MIA2: variants seen among roughly 807,000 people sequenced by gnomAD.
The protein encoded by MIA2 is MIA SH3 domain ER export factor 2.
A neutral mutation model predicts 167.8 loss-of-function variants in MIA2; 127 were observed. That is an observed-to-expected ratio of 0.76 (90% confidence interval 0.66 to 0.88). MIA2 has a LOEUF of 0.88. Ranked by LOEUF, MIA2 falls within the 40% of genes least tolerant of loss-of-function variation. The probability of loss-of-function intolerance (pLI) is 0.00; values close to 1 mark genes in which losing one functional copy is unlikely to be tolerated. For synonymous variants in MIA2, 552 were observed against 541.9 expected (o/e 1.02, Z -0.26); for missense variants, 1,690 against 1,624.7 (o/e 1.04, Z -0.69).
At chr14:39,269,376 T>G (rs2056711745) in intron 6 of MIA2, among the ~76,000 whole-genome samples, 1 of 151,970 alleles carries the variant, frequency 6.6e-6, no homozygotes, top group Non-Finnish European at 1.5e-5. Flanking sequence ...ACCACTAATC[T>G]ATTTTCTGTC....
intron 23 of MIA2, among the ~76,000 whole-genome samples, chr14:39,376,408 AACT>A (rs1381408859): frequency 6.6e-6 from 1 of 152,068 alleles, no homozygotes; most frequent in African/African-American, 2.4e-5. Context: ...AAATGTTTGA[AACT>A]AATATTTTAA....
At chr14:39,328,795 T>TATA (rs2068130134) in intron 25 of MIA2, among the ~76,000 whole-genome samples, 1 of 152,206 alleles carries the variant, frequency 6.6e-6, no homozygotes, top group Non-Finnish European at 1.5e-5. Context: ...GTGTTATTTC[T>TATA]GAGGCCTCTG....
At chr14:39,343,070 G>A (rs2072368553) in intron 25 of MIA2, among the ~76,000 whole-genome samples, 1 of 152,080 alleles carries the variant, frequency 6.6e-6, no homozygotes, top group Non-Finnish European at 1.5e-5. Context: ...CACCCTTTTT[G>A]TACATATGTT....
At chr14:39,359,086 C>T (rs952768992) in intron 23 of MIA2, among the ~76,000 whole-genome samples, 2 of 152,300 alleles carry the variant, frequency 1.3e-5, no homozygotes, top group East Asian at 3.9e-4. Flanking sequence ...AGCTGTCAGA[C>T]AGGGACATTT....
chr14:39,349,088 C>T, intron 28 of MIA2, 111 bp downstream of exon 28: 1 of 1,298,224 alleles, frequency 7.7e-7, no homozygotes, highest in Non-Finnish European at 1.1e-6. Flanking sequence ...TTTTTTCTAG[C>T]ATTCTGTGAA....
intron 23 of MIA2, chr14:39,370,478 C>T (rs1026833228): frequency 3.7e-6 from 1 of 269,944 alleles, no homozygotes. Flanking sequence ...GTCTTAATGC[C>T]CTGTCGGAGC....
Position 39,288,442 on chromosome 14 carries a change from TATATATATATATATATATATA to T in MIA2, c.2131-2576_2131-2556del, listed in dbSNP as rs1566746059. ...CGTGTATATATTATACATATATATA[TATATATATATATATATATATA>T]TATATATATATATTTTTTTTTTTTT... On this transcript the variant is annotated intron_variant, in intron 9 of 28. Coordinates refer to ENST00000640607, the MANE Select transcript of MIA2 (RefSeq NM_001329214.4). 2.6e-3 allele frequency among the ~76,000 whole-genome samples: 25 copies of T among 9,768 alleles called. 1 individual carries two copies. The highest frequency in any genetic ancestry group is 0.024 in the Middle Eastern group (1 of 42). 6.4% of individuals were successfully genotyped at this position (9,768 alleles called of 152,430 possible).
At position 39,280,732 on chromosome 14, in the gene MIA2, AAAAC is replaced by A. The variant is rs549743260; in HGVS notation, c.2130+1219_2130+1222del. ...GGGCAACAGAGTGAGACTCCTTCTCAAAACAAACAAACAAACAAACAAACAAAAA... is the reference window on the plus strand; with the variant it reads ...GGGCAACAGAGTGAGACTCCTTCTCAAAACAAACAAACAAACAAACAAAAA... On this transcript the variant is annotated intron_variant, in intron 9 of 28. Transcript: ENST00000640607. Among the ~76,000 whole-genome samples, 953 of 151,680 alleles carry A rather than the reference AAAAC, an allele frequency of 6.3e-3. 4 individuals are homozygous for A. Among genetic ancestry groups the A allele is most frequent in the African/African-American group, 8.2e-3 (339 of 41,202 alleles).
At chr14:39,279,574 C>A in intron 9 of MIA2, 37 bp downstream of exon 9, 1 of 1,384,824 alleles carries the variant, frequency 7.2e-7, no homozygotes, top group South Asian at 1.2e-5. Flanking sequence ...ATGTTAGAGT[C>A]AGAGAACTTT....
At chr14:39,268,466 T>C (rs78896050) in intron 6 of MIA2, among the ~76,000 whole-genome samples, 1 of 146,244 alleles carries the variant, frequency 6.8e-6, no homozygotes, top group Non-Finnish European at 1.5e-5. Flanking sequence ...AAAAAAAAAA[T>C]AGTACAAAGT....
chr14:39,380,740 A>ATTTC (rs1044141813), intron 23 of MIA2, among the ~76,000 whole-genome samples: 1 of 151,412 alleles, frequency 6.6e-6, no homozygotes, highest in Non-Finnish European at 1.5e-5. Context: ...ACATAAAATT[A>ATTTC]TAGAAATCTA....
intron 6 of MIA2, among the ~76,000 whole-genome samples, chr14:39,275,213 G>T (rs1431560588): frequency 6.9e-6 from 1 of 144,548 alleles, no homozygotes. Flanking sequence ...GTAGTGGTGC[G>T]ATCTGCAGCC....
intron 23 of MIA2, among the ~76,000 whole-genome samples, chr14:39,383,241 T>G (rs2139371694): frequency 6.6e-6 from 1 of 152,278 alleles, no homozygotes; most frequent in African/African-American, 2.4e-5. Flanking sequence ...TTCCCAACAG[T>G]TTGTTCTTGC....
chr14:39,311,812 A>T (rs2064333336), intron 18 of MIA2, among the ~76,000 whole-genome samples: 1 of 134,196 alleles, frequency 7.5e-6, no homozygotes, highest in African/African-American at 2.8e-5. Flanking sequence ...CTTTAAATAT[A>T]TATGATGGTT....
intron 21 of MIA2, among the ~76,000 whole-genome samples, chr14:39,316,589 C>T (rs1313655176): frequency 3.3e-5 from 5 of 152,122 alleles, no homozygotes; most frequent in Admixed American, 6.6e-5. Context: ...GTAGGTATTT[C>T]TTAGACATGT....
At chr14:39,311,016 G>A (rs969537277) in intron 18 of MIA2, among the ~76,000 whole-genome samples, 1 of 151,986 alleles carries the variant, frequency 6.6e-6, no homozygotes, top group East Asian at 1.9e-4. Flanking sequence ...ATTTTTGAGT[G>A]TATCTTTTGA....
chr14:39,300,893 C>G (rs2062296226), intron 14 of MIA2, among the ~76,000 whole-genome samples: 3 of 151,584 alleles, frequency 2.0e-5, no homozygotes. Flanking sequence ...TTCCAGCTTT[C>G]TGAGTTTTAT....
At chr14:39,241,696 C>T (rs1220398221) in intron 3 of MIA2, among the ~76,000 whole-genome samples, 1 of 152,196 alleles carries the variant, frequency 6.6e-6, no homozygotes, top group Non-Finnish European at 1.5e-5. Flanking sequence ...AATCCATTCT[C>T]CAAACAGTAA....
At chr14:39,375,672 G>A (rs1442898790) in intron 23 of MIA2, among the ~76,000 whole-genome samples, 1 of 152,178 alleles carries the variant, frequency 6.6e-6, no homozygotes, top group African/African-American at 2.4e-5. Context: ...ACTCCAGCTT[G>A]TGTGACAGAG....
Sources: allele counts gnomAD v4.1 joint callset (sites outside exome capture counted in the v4.1 genomes callset), GRCh38; gene constraint gnomAD v4.1.1; transcripts MANE v1.5; gene names NCBI Gene and HGNC (gene_info 2026-07-23, HGNC 2026-07-21).